OXCT1: variants seen among roughly 807,000 people sequenced by gnomAD.
OXCT1 encodes the protein succinyl-CoA:3-ketoacid coenzyme A transferase 1, mitochondrial.
In OXCT1, 27 loss-of-function variants were observed where a neutral mutation model predicts 69.6. That is an observed-to-expected ratio of 0.39 (90% CI 0.29 to 0.54). OXCT1 has a LOEUF of 0.54. Among genes scored for constraint, OXCT1 ranks in the 20% least tolerant of loss-of-function variants. The pLI is 0.72. For synonymous variants in OXCT1, 202 were observed against 217.8 expected (o/e 0.93, Z 0.64); for missense variants, 437 against 650.2 (o/e 0.67, Z 3.57).
chr5:41,737,125 G>A (rs981858159), intron 16 of OXCT1, among the ~76,000 whole-genome samples: 9 of 152,146 alleles, frequency 5.9e-5, no homozygotes, highest in Admixed American at 2.0e-4. Flanking sequence ...GCCATTGATC[G>A]TCAGATGCTC....
intron 3 of OXCT1, among the ~76,000 whole-genome samples, chr5:41,859,379 A>G (rs1208239743): frequency 6.6e-6 from 1 of 152,234 alleles, no homozygotes; most frequent in African/African-American, 2.4e-5. Flanking sequence ...TTTTGCTGTC[A>G]TATCTCAAAC....
chr5:41,833,487 T>A (rs1748198146), intron 7 of OXCT1, among the ~76,000 whole-genome samples: 1 of 147,454 alleles, frequency 6.8e-6, no homozygotes, highest in Non-Finnish European at 1.5e-5. Flanking sequence ...ACACCAGACC[T>A]GTCCTACAAG....
In OXCT1 at chr5:41,756,201, C is replaced by A. The variant is rs78364309; in HGVS notation, c.1338+5910G>T. Among the ~76,000 whole-genome samples the A allele has an allele frequency of 8.5e-3, 1,296 of 152,046 alleles. 23 individuals are homozygous for A. Among genetic ancestry groups the A allele is most frequent in the African/African-American group, 0.029 (1,208 of 41,508 alleles). ...AGTAATAGAGTTCTCATTTTGTCTC[C>A]AAAATTAAGAAACCAAGCTTTGTTT... On this transcript the variant is annotated intron_variant, in intron 14 of 16. Coordinates refer to ENST00000196371, the MANE Select transcript of OXCT1 (RefSeq NM_000436.4).
intron 11 of OXCT1, among the ~76,000 whole-genome samples, chr5:41,798,994 T>C (rs1746305353): frequency 6.6e-6 from 1 of 152,212 alleles, no homozygotes; most frequent in Non-Finnish European, 1.5e-5. Flanking sequence ...CAAGGTTTCA[T>C]TTGAGGTTCC....
intron 15 of OXCT1, among the ~76,000 whole-genome samples, chr5:41,745,233 C>T (rs1303208749): frequency 6.6e-6 from 1 of 151,914 alleles, no homozygotes; most frequent in Non-Finnish European, 1.5e-5. Context: ...AACTAGAACT[C>T]AGGATTAAGA....
chr5:41,731,554 T>C lies in OXCT1; in HGVS notation c.*175A>G. On this transcript the variant is annotated 3_prime_UTR_variant, in exon 17 of 17. Transcript: ENST00000196371. ...TATAAATGCTCCTTTTGCTTTTTAT[T>C]AAAATGTCACAGCATGCCTAGAGAA... 1 of 1,046,026 alleles carries C rather than the reference T, an allele frequency of 9.6e-7. No homozygotes were observed. The allele number at this position is 1,046,026 out of a possible 1,614,324, so 64.8% of individuals were successfully genotyped here. A position where few individuals can be genotyped will look rare whatever the true frequency, so the allele number is the denominator to read the frequency against.
intron 14 of OXCT1, among the ~76,000 whole-genome samples, chr5:41,754,416 G>T (rs1743960627): frequency 6.6e-6 from 1 of 151,988 alleles, no homozygotes; most frequent in Non-Finnish European, 1.5e-5. Flanking sequence ...GATGTAGCTG[G>T]ATTATTTGTA....
Position 41,762,068 on chromosome 5 carries a change from C to T in OXCT1, c.1338+43G>A. 1 of 1,370,288 alleles carries T rather than the reference C, an allele frequency of 7.3e-7. No homozygotes were observed. Among genetic ancestry groups the T allele is most frequent in the South Asian group, 1.2e-5 (1 of 86,288 alleles). The allele number at this position is 1,370,288 out of a possible 1,614,324, so 84.9% of individuals were successfully genotyped here. A position where few individuals can be genotyped will look rare whatever the true frequency, so the allele number is the denominator to read the frequency against. On this transcript the variant is annotated intron_variant, in intron 14 of 16. Coordinates refer to ENST00000196371, the MANE Select transcript of OXCT1 (RefSeq NM_000436.4). The surrounding 1 kb of genome is among the most constrained non-coding windows in gnomAD (Gnocchi z 4.0). ...TGGTACACTGGGTTTTGATGTATTG[C>T]AAATTTCCAAAAGCAGTATTTGGGG...
chr5:41,776,169 A>C (rs1432468159), intron 13 of OXCT1, among the ~76,000 whole-genome samples: 1 of 152,244 alleles, frequency 6.6e-6, no homozygotes, highest in Non-Finnish European at 1.5e-5. Flanking sequence ...TGAGAAAAAC[A>C]TCAGACAAAT....
chr5:41,832,798 A>T (rs1748162386), intron 7 of OXCT1, among the ~76,000 whole-genome samples: 1 of 152,184 alleles, frequency 6.6e-6, no homozygotes, highest in Non-Finnish European at 1.5e-5. Flanking sequence ...CTATCAGATA[A>T]ATTTAACAGA....
At chr5:41,738,489 G>A (rs891248724) in intron 16 of OXCT1, among the ~76,000 whole-genome samples, 2 of 152,160 alleles carry the variant, frequency 1.3e-5, no homozygotes, top group African/African-American at 4.8e-5. Context: ...CACATAAGAC[G>A]TGCCTTTGCT....
chr5:41,796,465 C>A (rs1213536659), intron 11 of OXCT1, among the ~76,000 whole-genome samples: 2 of 152,194 alleles, frequency 1.3e-5, no homozygotes, highest in African/African-American at 4.8e-5. Context: ...AAAAGGACCA[C>A]AGGCAGTCTG....
intron 13 of OXCT1, among the ~76,000 whole-genome samples, chr5:41,779,997 C>T (rs1745317096): frequency 6.6e-6 from 1 of 151,902 alleles, no homozygotes; most frequent in Non-Finnish European, 1.5e-5. Flanking sequence ...TTTGAATTTA[C>T]AAATGTAGAA....
At chr5:41,742,084 A>C (rs1253978478) in intron 15 of OXCT1, among the ~76,000 whole-genome samples, 1 of 152,204 alleles carries the variant, frequency 6.6e-6, no homozygotes, top group African/African-American at 2.4e-5. Flanking sequence ...TTTAGAGAGA[A>C]GATAACTGTG....
At position 41,730,279 on chromosome 5, in the gene OXCT1, T is replaced by C. The variant is rs1034260317; in HGVS notation, c.*1450A>G. ...AACTTGCACATTCTAAGAAGGGTCA[T>C]TTTTTCCCCCCAGTACTGGGAAGGT... On this transcript the variant is annotated 3_prime_UTR_variant, in exon 17 of 17. Transcript: ENST00000196371. The C allele has an allele frequency of 2.0e-5, 3 of 152,162 alleles. No homozygotes were observed. Among genetic ancestry groups the C allele is most frequent in the African/African-American group, 7.2e-5 (3 of 41,426 alleles). The allele number at this position is 152,162 out of a possible 1,614,324, so 9.4% of individuals were successfully genotyped here. A position where few individuals can be genotyped will look rare whatever the true frequency, so the allele number is the denominator to read the frequency against.
At chr5:41,819,033 T>C (rs1257820154) in intron 7 of OXCT1, among the ~76,000 whole-genome samples, 2 of 152,140 alleles carry the variant, frequency 1.3e-5, no homozygotes, top group East Asian at 3.9e-4. Flanking sequence ...TATTTGAAGT[T>C]GGAAAAAATA....
rs74716372 is a variant in OXCT1, at chr5:41,748,472, C to A, written c.1419+1055G>T. Among the ~76,000 whole-genome samples the A allele has an allele frequency of 3.9e-3, 592 of 152,146 alleles. 2 individuals carry two copies. Among genetic ancestry groups the A allele is most frequent in the African/African-American group, 0.014 (571 of 41,526 alleles). On this transcript the variant is annotated intron_variant, in intron 15 of 16. Transcript: ENST00000196371. Reference sequence around the variant, plus strand: ...GCTTTTATCTTTAAAGTAATGGATTCTTTTCAACAATCCCTGTTCATAGTT... The same window carrying A: ...GCTTTTATCTTTAAAGTAATGGATTATTTTCAACAATCCCTGTTCATAGTT...
intron 13 of OXCT1, among the ~76,000 whole-genome samples, chr5:41,788,723 T>C (rs1745768982): frequency 6.6e-6 from 1 of 152,184 alleles, no homozygotes; most frequent in South Asian, 2.1e-4. Flanking sequence ...ATCTCAAGAC[T>C]GCTCTCTCAG....
chr5:41,866,021 G>A (rs1198176925), intron 1 of OXCT1, among the ~76,000 whole-genome samples: 2 of 86,132 alleles, frequency 2.3e-5, no homozygotes, highest in East Asian at 4.0e-4. Flanking sequence ...ATGTACAGTA[G>A]ACCCCCCCCC....
Sources: allele counts gnomAD v4.1 joint callset (sites outside exome capture counted in the v4.1 genomes callset), GRCh38; gene constraint gnomAD v4.1.1; non-coding constraint Gnocchi (gnomAD v3.1); transcripts MANE v1.5; gene names NCBI Gene and HGNC (gene_info 2026-07-23, HGNC 2026-07-21).